The following CSMD1 variants were observed in gnomAD, a reference collection of about 807,000 sequenced individuals.
CSMD1 encodes CUB and sushi domain-containing protein 1.
A neutral mutation model predicts 417.5 loss-of-function variants in CSMD1; 213 were observed. That is an observed-to-expected ratio of 0.51 (90% CI 0.46 to 0.57). The LOEUF (loss-of-function observed/expected upper bound fraction) is 0.57. CSMD1 is among the 20% of genes least tolerant of loss of function. The pLI is 0.00. For synonymous variants in CSMD1, 2,862 were observed against 1,736.8 expected, an observed-to-expected ratio of 1.65 and a Z score of -16.11; for missense variants, 6,923 against 4,529.7, an observed-to-expected ratio of 1.53 and a Z score of -15.17.
intron 3 of CSMD1, among the ~76,000 whole-genome samples, chr8:4,226,762 T>C (rs1801384886): frequency 1.3e-5 from 2 of 152,286 alleles, no homozygotes; most frequent in South Asian, 2.1e-4. Context: ...GAGCTTTAAA[T>C]TGAATTTAAG....
chr8:4,715,258 G>A (rs564283440), intron 1 of CSMD1, among the ~76,000 whole-genome samples: 17 of 152,232 alleles, frequency 1.1e-4, no homozygotes, highest in African/African-American at 4.1e-4. Flanking sequence ...ACCTGTGTTT[G>A]GCTCTGACAA....
At chr8:4,077,295 G>GTATATATATATATATATATATA (rs1253192594) in intron 3 of CSMD1, among the ~76,000 whole-genome samples, 6,726 of 88,576 alleles carry the variant, frequency 0.076, 279 homozygotes, top group Non-Finnish European at 0.11. Flanking sequence ...ATATATATAT[G>GTATATATATATATATATATATA]TGTATATATA....
intron 3 of CSMD1, among the ~76,000 whole-genome samples, chr8:4,132,608 G>C (rs905202309): frequency 6.6e-6 from 1 of 152,114 alleles, no homozygotes; most frequent in Non-Finnish European, 1.5e-5. Context: ...ATTCATTCCA[G>C]CACAGTGTTT....
chr8:3,353,082 A>G (rs955882871), intron 21 of CSMD1, among the ~76,000 whole-genome samples: 2 of 152,160 alleles, frequency 1.3e-5, no homozygotes, highest in Non-Finnish European at 2.9e-5. Context: ...ATTATACTAC[A>G]TTTGTTAATA....
chr8:4,881,334 C>G (rs1289914400), intron 1 of CSMD1, among the ~76,000 whole-genome samples: 3 of 151,906 alleles, frequency 2.0e-5, no homozygotes, highest in African/African-American at 7.3e-5. Flanking sequence ...TACATAATAA[C>G]TAATATACTA....
chr8:3,184,103 G>A (rs1433985804), intron 36 of CSMD1, among the ~76,000 whole-genome samples: 2 of 152,178 alleles, frequency 1.3e-5, no homozygotes, highest in Admixed American at 6.5e-5. Context: ...ACTGCTGCTT[G>A]CTTTTCTAGC....
rs144094944 is a variant in CSMD1 at position 4,053,060 on chromosome 8, A to T, written c.416-20961T>A. 3.1e-3 allele frequency among the ~76,000 whole-genome samples: 469 copies of T among 152,252 alleles called. 2 individuals are homozygous for T. The highest frequency in any genetic ancestry group is 0.011 in the African/African-American group (451 of 41,548). ...ACCTCTAACCAGAGGAGTCCTTGGGAGGCTGTGTGCTGAAAGGATGATTGG... is the reference window on the plus strand; with the variant it reads ...ACCTCTAACCAGAGGAGTCCTTGGGTGGCTGTGTGCTGAAAGGATGATTGG... On this transcript the variant is annotated intron_variant, in intron 3 of 69. Coordinates refer to ENST00000635120, the MANE Select transcript of CSMD1 (RefSeq NM_033225.6).
intron 5 of CSMD1, among the ~76,000 whole-genome samples, chr8:3,840,071 G>C (rs1224470033): frequency 1.3e-5 from 2 of 152,008 alleles, no homozygotes; most frequent in African/African-American, 2.4e-5. Context: ...ATATATAATA[G>C]CTCTGCCTAT....
At chr8:4,855,199 C>A (rs10481374) in intron 1 of CSMD1, among the ~76,000 whole-genome samples, 1 of 148,902 alleles carries the variant, frequency 6.7e-6, no homozygotes, top group Non-Finnish European at 1.5e-5. Context: ...CTGCAGCTGA[C>A]GGTCCTCTTT....
At chr8:4,034,643 T>C (rs1465742023) in intron 3 of CSMD1, among the ~76,000 whole-genome samples, 4 of 152,148 alleles carry the variant, frequency 2.6e-5, no homozygotes, top group Non-Finnish European at 5.9e-5. Context: ...ACACGTTGTA[T>C]AGCCACCGTA....
intron 6 of CSMD1, among the ~76,000 whole-genome samples, chr8:3,721,161 T>A (rs1308818902): frequency 1.3e-5 from 2 of 152,124 alleles, no homozygotes; most frequent in African/African-American, 4.8e-5. Flanking sequence ...CAGGTGGTCC[T>A]GAAACACCAT....
rs10105505 is a variant in CSMD1, at chr8:3,119,428, A to C, written c.6242-841T>G. Among the ~76,000 whole-genome samples the C allele has an allele frequency of 6.7e-3, 966 of 144,810 alleles. 11 individuals carry two copies. The highest frequency in any genetic ancestry group is 0.023 in the African/African-American group (911 of 40,220). On this transcript the variant is annotated intron_variant, in intron 41 of 69. Coordinates refer to ENST00000635120, the MANE Select transcript of CSMD1 (RefSeq NM_033225.6). ...AAAAAAAAAACACTGTATAATCCCTAAGCTGACAACTACTATCAGTACAAT... is the reference window on the plus strand; with the variant it reads ...AAAAAAAAAACACTGTATAATCCCTCAGCTGACAACTACTATCAGTACAAT...
intron 5 of CSMD1, among the ~76,000 whole-genome samples, chr8:3,992,003 T>A (rs763861747): frequency 2.0e-5 from 3 of 152,208 alleles, no homozygotes; most frequent in African/African-American, 4.8e-5. Flanking sequence ...TGAAAAAACA[T>A]AGAAATGGCA....
At chr8:4,782,397 TA>T (rs1458179705) in intron 1 of CSMD1, among the ~76,000 whole-genome samples, 1 of 152,182 alleles carries the variant, frequency 6.6e-6, no homozygotes. Flanking sequence ...GTAGGTCAAT[TA>T]AAAAATAAAA....
At chr8:3,828,857 ATCTCTAGCCCCG>A (rs1167372444) in intron 5 of CSMD1, among the ~76,000 whole-genome samples, 8 of 151,962 alleles carry the variant, frequency 5.3e-5, no homozygotes, top group Non-Finnish European at 1.2e-4. Context: ...ATTTTGTCTT[ATCTCTAGCCCCG>A]TCTCACATCA....
rs766115435 is a variant in CSMD1, at chr8:4,271,336, G to T, written c.415+148617C>A. On this transcript the variant is annotated intron_variant, in intron 3 of 69. Coordinates refer to ENST00000635120, the MANE Select transcript of CSMD1 (RefSeq NM_033225.6). ...GGTTGGTGAAATCGTTCATTAGTAA[G>T]AAACACTGGCAGTGCTTGGAAAATG... 4.6e-5 allele frequency among the ~76,000 whole-genome samples: 7 copies of T among 152,236 alleles called. 1 individual carries two copies. The highest frequency in any genetic ancestry group is 3.9e-4 in the Admixed American group (6 of 15,282).
chr8:3,599,166 T>C (rs1801239127), intron 8 of CSMD1, among the ~76,000 whole-genome samples: 1 of 149,302 alleles, frequency 6.7e-6, no homozygotes, highest in South Asian at 2.1e-4. Context: ...TGTGTGTCTG[T>C]GTGTGTGTGT....
rs116454890 is a variant in CSMD1 at position 4,223,022 on chromosome 8, T to G, written c.416-190923A>C. On this transcript the variant is annotated intron_variant, in intron 3 of 69. Coordinates refer to ENST00000635120, the MANE Select transcript of CSMD1 (RefSeq NM_033225.6). Reference sequence around the variant, plus strand: ...AAATAAATAGACAAAAACATAATAATAAGAAGAACTGACAACAGGCTTCCT... The same window carrying G: ...AAATAAATAGACAAAAACATAATAAGAAGAAGAACTGACAACAGGCTTCCT... 4.7e-3 allele frequency among the ~76,000 whole-genome samples: 718 copies of G among 152,070 alleles called. 5 individuals are homozygous for G. The highest frequency in any genetic ancestry group is 0.017 in the African/African-American group (694 of 41,470).
At chr8:4,931,084 G>A (rs1222020244) in intron 1 of CSMD1, among the ~76,000 whole-genome samples, 1 of 152,082 alleles carries the variant, frequency 6.6e-6, no homozygotes, top group African/African-American at 2.4e-5. Context: ...TGGAAATTCA[G>A]GCAATTATAT....
Sources: gnomAD v4.1 joint callset for allele counts (sites outside exome capture counted in the v4.1 genomes callset) on GRCh38, gnomAD v4.1.1 for gene constraint, MANE v1.5 for transcripts, NCBI Gene and HGNC (gene_info 2026-07-23, HGNC 2026-07-21) for gene names.